Variants in LDB2 observed in about 807,000 individuals in gnomAD.
The protein encoded by LDB2 is LIM domain-binding protein 2.
Under a neutral mutation model 44.3 loss-of-function variants are expected in LDB2, and 12 were observed. The observed-to-expected ratio is 0.27, with a 90% CI of 0.17 to 0.44. The LOEUF is 0.44. LDB2 is among the 20% of genes least tolerant of loss of function. The probability of loss-of-function intolerance (pLI) is 1.00; values close to 1 mark genes in which losing one functional copy is unlikely to be tolerated. For missense variants in LDB2, 344 were observed against 473.5 expected, an observed-to-expected ratio of 0.73 and a Z score of 2.54; for synonymous variants, 164 against 174.8, an observed-to-expected ratio of 0.94 and a Z score of 0.49.
chr4:16,503,141 TAAA>T, intron 7 of LDB2: 1 of 1,535,242 alleles, frequency 6.5e-7, no homozygotes. Context: ...TCTGCAGAAA[TAAA>T]AAAATGTATT....
At chr4:16,698,713 G>A (rs2152626370) in intron 2 of LDB2, among the ~76,000 whole-genome samples, 1 of 152,042 alleles carries the variant, frequency 6.6e-6, no homozygotes, top group South Asian at 2.1e-4. Context: ...ATGTATTTAT[G>A]ACATACTTAT....
chr4:16,595,083 C>G (rs1720436186), intron 3 of LDB2, among the ~76,000 whole-genome samples: 1 of 152,088 alleles, frequency 6.6e-6, no homozygotes, highest in Non-Finnish European at 1.5e-5. Flanking sequence ...ATCTCCATCT[C>G]TTCTATTTTT....
intron 5 of LDB2, among the ~76,000 whole-genome samples, chr4:16,525,725 TAAAC>T (rs1222899026): frequency 1.3e-5 from 2 of 151,752 alleles, no homozygotes; most frequent in African/African-American, 4.8e-5. Context: ...ATAAATTAAA[TAAAC>T]AAAAGATATA....
chr4:16,543,466 T>C lies in LDB2; in HGVS notation c.616-31362A>G, dbSNP rs373061493. On this transcript the variant is annotated intron_variant, in intron 5 of 7. Transcript: ENST00000304523. ...CCTGACTTTTTAACGATCGCCATTC[T>C]AACTGATGTGAGATGGTATCTCATT... is the stretch of plus-strand genomic sequence containing the variant. 1.2e-4 allele frequency among the ~76,000 whole-genome samples: 19 copies of C among 152,370 alleles called. No homozygotes were observed. The South Asian group carries it at 3.9e-3, about 32-fold the overall frequency.
At chr4:16,523,284 G>T (rs1421048034) in intron 5 of LDB2, among the ~76,000 whole-genome samples, 1 of 152,000 alleles carries the variant, frequency 6.6e-6, no homozygotes, top group African/African-American at 2.4e-5. Flanking sequence ...CTATAATAAA[G>T]TTTAAGGTAC....
At chr4:16,810,830 T>C (rs1186265004) in intron 1 of LDB2, among the ~76,000 whole-genome samples, 4 of 152,202 alleles carry the variant, frequency 2.6e-5, no homozygotes. Context: ...ATTAAGAGTG[T>C]AACCTCTCAG....
Position 16,898,521 on chromosome 4 carries a change from A to G in LDB2, c.-36T>C. Reference sequence around the variant, plus strand: ...TTTCGAAAATCAAGCTAAACAGAGTATCAGTAACGTCCATGCAGAGCACAT... The same window carrying G: ...TTTCGAAAATCAAGCTAAACAGAGTGTCAGTAACGTCCATGCAGAGCACAT... On this transcript the variant is annotated 5_prime_UTR_variant, in exon 1 of 8. Transcript: ENST00000304523. 1.2e-6 allele frequency: 2 copies of G among 1,610,546 alleles called. No homozygotes were observed. Among genetic ancestry groups the G allele is most frequent in the Non-Finnish European group, 1.7e-6 (2 of 1,177,936 alleles).
chr4:16,687,463 G>A (rs1269605225), intron 2 of LDB2, among the ~76,000 whole-genome samples: 1 of 152,140 alleles, frequency 6.6e-6, no homozygotes, highest in Non-Finnish European at 1.5e-5. Context: ...TGGACTTCCT[G>A]CCTCCAAAAT....
chr4:16,893,510 C>T (rs1724019741), intron 1 of LDB2, among the ~76,000 whole-genome samples: 4 of 150,834 alleles, frequency 2.7e-5, no homozygotes, highest in Admixed American at 2.6e-4. Context: ...ACTAAGAATC[C>T]CCCTCCTCCC....
chr4:16,509,607 C>A (rs1012387582), intron 6 of LDB2, among the ~76,000 whole-genome samples: 62 of 152,154 alleles, frequency 4.1e-4, no homozygotes, highest in African/African-American at 1.3e-3. Context: ...ATTTTATATT[C>A]AAAAAATCCT....
chr4:16,820,751 A>AG (rs1781798444), intron 1 of LDB2, among the ~76,000 whole-genome samples: 1 of 152,172 alleles, frequency 6.6e-6, no homozygotes, highest in Non-Finnish European at 1.5e-5. Flanking sequence ...AAATTTTGAG[A>AG]GAAAAAAAAA....
At chr4:16,661,162 T>C (rs1028688173) in intron 2 of LDB2, among the ~76,000 whole-genome samples, 20 of 152,326 alleles carry the variant, frequency 1.3e-4, no homozygotes, top group African/African-American at 4.6e-4. Context: ...ACTGTGTGCA[T>C]GGTGTATGTG....
chr4:16,709,579 C>A (rs1022005438), intron 2 of LDB2, among the ~76,000 whole-genome samples: 2 of 152,134 alleles, frequency 1.3e-5, no homozygotes, highest in Admixed American at 6.5e-5. Flanking sequence ...AGGGTAAGAA[C>A]CTTCTGTACA....
chr4:16,609,645 C>T (rs1049226311), intron 2 of LDB2, among the ~76,000 whole-genome samples: 9 of 152,162 alleles, frequency 5.9e-5, no homozygotes, highest in Non-Finnish European at 1.2e-4. Flanking sequence ...GGCAGTGCTT[C>T]CCTGCAGGAT....
intron 3 of LDB2, among the ~76,000 whole-genome samples, chr4:16,593,928 T>A (rs561326209): frequency 3.5e-4 from 53 of 152,326 alleles, no homozygotes; most frequent in Admixed American, 2.0e-3. Context: ...GCACTAAACT[T>A]TCAGAGCAGC....
At chr4:16,783,429 A>T (rs917580109) in intron 1 of LDB2, among the ~76,000 whole-genome samples, 1 of 152,268 alleles carries the variant, frequency 6.6e-6, no homozygotes, top group South Asian at 2.1e-4. Context: ...TTTTCTCCTC[A>T]TTAAATCACA....
chr4:16,637,299 A>ATTTTTTTTTTTTTTTTTTT (rs34484721), intron 2 of LDB2, among the ~76,000 whole-genome samples: 3 of 85,478 alleles, frequency 3.5e-5, no homozygotes, highest in South Asian at 5.6e-4. Flanking sequence ...GCCTAGGCTG[A>ATTTTTTTTTTTTTTTTTTT]TTTTTTTTTT....
At chr4:16,534,486 G>A (rs1731113680) in intron 5 of LDB2, among the ~76,000 whole-genome samples, 1 of 152,152 alleles carries the variant, frequency 6.6e-6, no homozygotes, top group Non-Finnish European at 1.5e-5. Context: ...TATCATTGAT[G>A]ATTTTGCTAA....
At chr4:16,870,137 A>G (rs1056937686) in intron 1 of LDB2, among the ~76,000 whole-genome samples, 3 of 152,128 alleles carry the variant, frequency 2.0e-5, no homozygotes, top group Non-Finnish European at 4.4e-5. Context: ...GAGGTGAAGG[A>G]AGGAGATGCA....
Sources: gnomAD v4.1 joint callset for allele counts (sites outside exome capture counted in the v4.1 genomes callset) on GRCh38, gnomAD v4.1.1 for gene constraint, MANE v1.5 for transcripts, NCBI Gene and HGNC (gene_info 2026-07-23, HGNC 2026-07-21) for gene names.